KCNQ4: variants seen among roughly 807,000 people sequenced by gnomAD.
KCNQ4 encodes potassium voltage-gated channel subfamily KQT member 4.
In KCNQ4, 31 loss-of-function variants were observed where a neutral mutation model predicts 72.6. The ratio of observed to expected loss-of-function variants is 0.43; its 90% CI spans 0.32 to 0.58. The LOEUF (loss-of-function observed/expected upper bound fraction) is 0.58. Ranked by LOEUF, KCNQ4 falls within the 20% of genes least tolerant of loss-of-function variation. The probability of loss-of-function intolerance (pLI) is 0.08; values close to 1 mark genes in which losing one functional copy is unlikely to be tolerated. For missense variants in KCNQ4, 869 were observed against 962.6 expected (o/e 0.90, Z 1.29); for synonymous variants, 405 against 403.7 (o/e 1.00, Z -0.04).
At chr1:40,834,803 A>G (rs977391617) in intron 11 of KCNQ4, among the ~76,000 whole-genome samples, 164 bp from the exon 12 acceptor site, 6 of 151,860 alleles carry the variant, frequency 4.0e-5, no homozygotes, top group African/African-American at 1.5e-4. Flanking sequence ...TGTTTCTGCT[A>G]CTTGGAGGTA....
In KCNQ4 at chr1:40,818,661, T is replaced by C; in HGVS notation, c.689T>C (p.Val230Ala). 4 of 1,604,554 alleles carry C rather than the reference T, an allele frequency of 2.5e-6. No individual in the cohort carries two copies. Among genetic ancestry groups the C allele is most frequent in the Non-Finnish European group, 3.4e-6 (4 of 1,178,644 alleles). The change falls in exon 4 of 14, where the codon GTG (valine) becomes GCG (alanine). Residue 230 changes from valine (V) to alanine (A), a missense_variant. By Grantham distance (64) the Val-to-Ala change is moderately conservative. Around this residue, in one of 5 missense-constraint regions of KCNQ4, gnomAD observed 179 missense variants for 243.0 expected, o/e 0.74. Transcript: ENST00000347132. ...GGCACCTGGAAGCTGCTGGGCTCAGTGGTCTACGCGCATAGCAAGGTGAGG... is the reference window on the plus strand; with the variant it reads ...GGCACCTGGAAGCTGCTGGGCTCAGCGGTCTACGCGCATAGCAAGGTGAGG... ...RGGTWKLLGSVVYAHSKELIT... is the reference protein window; with the variant it reads ...RGGTWKLLGSAVYAHSKELIT...
At chr1:40,823,713 C>G (rs3767938) in intron 8 of KCNQ4, among the ~76,000 whole-genome samples, 1 of 152,224 alleles carries the variant, frequency 6.6e-6, no homozygotes, top group Non-Finnish European at 1.5e-5. Context: ...CCTGTCACAC[C>G]GCCCTCCTCA....
chr1:40,791,738 T>C (rs1392007352), intron 1 of KCNQ4, among the ~76,000 whole-genome samples: 3 of 152,058 alleles, frequency 2.0e-5, no homozygotes, highest in East Asian at 3.9e-4. Flanking sequence ...CTGAGACTCC[T>C]TGGACACCCA....
chr1:40,784,535 C>CA lies in KCNQ4; in HGVS notation c.314+129dup. The CA allele has an allele frequency of 1.1e-6, 1 of 875,878 alleles. No homozygotes were observed. The highest frequency in any genetic ancestry group is 1.4e-5 in the South Asian group (1 of 72,098). 54.3% of individuals were successfully genotyped at this position (875,878 alleles called of 1,614,324 possible). On this transcript the variant is annotated intron_variant, in intron 1 of 13. Transcript: ENST00000347132. This position sits in a 1 kb window ranked among gnomAD's most constrained non-coding sequence, Gnocchi z 4.1. ...GGGCCGACCCTCATCTCTCTCCCCCCAGGCCTAAGCCCGGTTTCTGATCCC... is the reference window on the plus strand; with the variant it reads ...GGGCCGACCCTCATCTCTCTCCCCCCAAGGCCTAAGCCCGGTTTCTGATCCC...
At chr1:40,802,411 A>G (rs1461366724) in intron 1 of KCNQ4, among the ~76,000 whole-genome samples, 1 of 152,028 alleles carries the variant, frequency 6.6e-6, no homozygotes, top group Non-Finnish European at 1.5e-5. Context: ...CGGGCGGGGG[A>G]GGCCGCGGGG....
At chr1:40,833,786 C>G (rs1282802461) in intron 11 of KCNQ4, among the ~76,000 whole-genome samples, 1 of 143,762 alleles carries the variant, frequency 7.0e-6, no homozygotes, top group Admixed American at 7.2e-5. Context: ...CACTTGAGGT[C>G]AGAAGTTCGA....
chr1:40,837,750 G>A lies in KCNQ4; in HGVS notation c.1831G>A (p.Asp611Asn). 1 of 1,612,476 alleles carries A rather than the reference G, an allele frequency of 6.2e-7. No individual in the cohort carries two copies. Among genetic ancestry groups the A allele is most frequent in the East Asian group, 2.2e-5 (1 of 44,832 alleles). The change falls in exon 13 of 14, where the codon GAT (aspartate) becomes AAT (asparagine). Residue 611 changes from aspartate (D) to asparagine (N), a missense_variant. Asp to Asn is a conservative substitution (Grantham distance 23). Around this residue, in one of 5 missense-constraint regions of KCNQ4, gnomAD observed 480 missense variants for 501.9 expected, o/e 0.96. Transcript: ENST00000347132. ...DKGPSDAEVVDEISMMGRVVK... is the reference protein window; with the variant it reads ...DKGPSDAEVVNEISMMGRVVK... ...GGGGCCCTCCGACGCGGAGGTGGTG[G>A]ATGAAATCAGCATGATGGGACGCGT...
At chr1:40,829,350 C>T (rs1461526472) in intron 9 of KCNQ4, among the ~76,000 whole-genome samples, 1 of 152,134 alleles carries the variant, frequency 6.6e-6, no homozygotes, top group African/African-American at 2.4e-5. Context: ...TGGGATGTGT[C>T]GATGGAGTCC....
chr1:40,832,953 C>G (rs550004437), intron 10 of KCNQ4, 61 bp from the exon 11 acceptor site: 1 of 1,213,694 alleles, frequency 8.2e-7, no homozygotes, highest in East Asian at 2.3e-5. Flanking sequence ...ATACAAGGGT[C>G]GGATGGGAGG....
intron 1 of KCNQ4, among the ~76,000 whole-genome samples, chr1:40,786,482 G>A (rs1647204143): frequency 6.6e-6 from 1 of 152,174 alleles, no homozygotes; most frequent in African/African-American, 2.4e-5. Flanking sequence ...TGCTTGTCCT[G>A]ACCACTTGTC....
intron 1 of KCNQ4, among the ~76,000 whole-genome samples, chr1:40,808,730 T>C (rs1647837428): frequency 6.6e-6 from 1 of 152,202 alleles, no homozygotes; most frequent in Admixed American, 6.5e-5. Flanking sequence ...CCATCTTCCT[T>C]GGGGACTTCA....
At chr1:40,835,145 C>A (rs1048575932) in intron 12 of KCNQ4, 47 bp downstream of exon 12, 9 of 1,598,496 alleles carry the variant, frequency 5.6e-6, no homozygotes, top group Non-Finnish European at 6.0e-6. Context: ...GAGGCAGCGA[C>A]CCCAGCCCTG....
chr1:40,820,380 G>A, intron 7 of KCNQ4, 120 bp downstream of exon 7: 2 of 877,138 alleles, frequency 2.3e-6, no homozygotes, highest in Non-Finnish European at 3.8e-6. Flanking sequence ...AGCTCAAAAG[G>A]GCTATGTGAC....
At chr1:40,835,473 G>A (rs1648783328) in intron 12 of KCNQ4, among the ~76,000 whole-genome samples, 1 of 152,122 alleles carries the variant, frequency 6.6e-6, no homozygotes, top group South Asian at 2.1e-4. Context: ...CTTGCCTCTG[G>A]AATCCTCCCA....
chr1:40,818,899 G>T, intron 4 of KCNQ4: 1 of 626,338 alleles, frequency 1.6e-6, no homozygotes. Context: ...GACCGGATCA[G>T]GGGGCGGGGC....
At position 40,814,981 on chromosome 1, in the gene KCNQ4, C is replaced by T. The variant is rs573357035; in HGVS notation, c.315-2284C>T. 1.2e-4 allele frequency among the ~76,000 whole-genome samples: 19 copies of T among 152,170 alleles called. No individual in the cohort carries two copies. In the East Asian group the frequency reaches 3.5e-3, roughly 28 times the overall value. ...TGATGGCCAGGCTTGGTGGCTCACG[C>T]CTGTAATCCCAGCACTTTGGGAGGC... On this transcript the variant is annotated intron_variant, in intron 1 of 13. Coordinates refer to ENST00000347132, the MANE Select transcript of KCNQ4 (RefSeq NM_004700.4).
intron 1 of KCNQ4, among the ~76,000 whole-genome samples, chr1:40,807,646 C>G (rs932696122): frequency 1.3e-5 from 2 of 152,236 alleles, no homozygotes; most frequent in African/African-American, 4.8e-5. Flanking sequence ...AGGCTGCCCC[C>G]CTTGTCAGGA....
At chr1:40,834,606 A>C (rs1057301704) in intron 11 of KCNQ4, among the ~76,000 whole-genome samples, 1 of 151,710 alleles carries the variant, frequency 6.6e-6, no homozygotes, top group African/African-American at 2.4e-5. Context: ...TAAAAAAAAA[A>C]AAAACAGAGT....
At chr1:40,822,974 A>G (rs1259049456) in intron 8 of KCNQ4, among the ~76,000 whole-genome samples, 3 of 152,198 alleles carry the variant, frequency 2.0e-5, no homozygotes, top group African/African-American at 7.2e-5. Context: ...TATTAATAGC[A>G]TCACAAAGGT....
Sources: allele counts gnomAD v4.1 joint callset (sites outside exome capture counted in the v4.1 genomes callset), GRCh38; gene constraint gnomAD v4.1.1; regional missense constraint gnomAD v4.1.1; non-coding constraint Gnocchi (gnomAD v3.1); transcripts MANE v1.5; gene names NCBI Gene and HGNC (gene_info 2026-07-23, HGNC 2026-07-21).